Variants in ST8SIA1 observed in about 807,000 individuals in gnomAD.
The protein encoded by ST8SIA1 is alpha-N-acetylneuraminide alpha-2,8-sialyltransferase.
In ST8SIA1, 16 loss-of-function variants were observed where a neutral mutation model predicts 35.9. The ratio of observed to expected loss-of-function variants is 0.45; its 90% CI spans 0.30 to 0.68. The LOEUF is 0.68. ST8SIA1 is among the 30% of genes least tolerant of loss of function. The pLI, the probability that ST8SIA1 is intolerant of heterozygous loss-of-function variation, is 0.09. For synonymous variants in ST8SIA1, 170 were observed against 169.6 expected, an observed-to-expected ratio of 1.00 and a Z score of -0.02; for missense variants, 383 against 453.6, an observed-to-expected ratio of 0.84 and a Z score of 1.41.
At chr12:22,281,307 C>T (rs1331046482) in intron 2 of ST8SIA1, among the ~76,000 whole-genome samples, 1 of 152,116 alleles carries the variant, frequency 6.6e-6, no homozygotes, top group African/African-American at 2.4e-5. Flanking sequence ...TTATAAAATT[C>T]ATGCTGAGAA....
intron 2 of ST8SIA1, among the ~76,000 whole-genome samples, chr12:22,282,273 G>A (rs1866046016): frequency 6.6e-6 from 1 of 152,112 alleles, no homozygotes; most frequent in African/African-American, 2.4e-5. Flanking sequence ...ACCCCTCTCA[G>A]TCTTAGCTTC....
chr12:22,253,013 A>C (rs1235895307), intron 3 of ST8SIA1, among the ~76,000 whole-genome samples: 2 of 152,154 alleles, frequency 1.3e-5, no homozygotes, highest in Non-Finnish European at 1.5e-5. Context: ...AACTAATAAT[A>C]CTCAAGAGCA....
At chr12:22,227,494 A>T (rs1865372619) in intron 4 of ST8SIA1, among the ~76,000 whole-genome samples, 2 of 151,832 alleles carry the variant, frequency 1.3e-5, no homozygotes, top group South Asian at 4.2e-4. Flanking sequence ...GAATTGCTGA[A>T]CCCGGAGATG....
At chr12:22,238,728 G>A (rs1029441667) in intron 4 of ST8SIA1, among the ~76,000 whole-genome samples, 10 of 152,062 alleles carry the variant, frequency 6.6e-5, no homozygotes, top group Non-Finnish European at 1.0e-4. Flanking sequence ...GTTGTCTTTC[G>A]TTTTGATCAC....
chr12:22,251,017 G>C (rs1865663186), intron 3 of ST8SIA1, among the ~76,000 whole-genome samples: 1 of 152,210 alleles, frequency 6.6e-6, no homozygotes, highest in Admixed American at 6.5e-5. Flanking sequence ...TCTCATGAGG[G>C]AGTGAGTTTA....
Position 22,201,633 on chromosome 12 carries a change from T to C in ST8SIA1, c.990A>G (p.Gln330=), listed in dbSNP as rs369572442. 1.2e-6 allele frequency: 2 copies of C among 1,613,948 alleles called. No homozygotes were observed. The highest frequency in any genetic ancestry group is 1.7e-6 in the Non-Finnish European group (2 of 1,179,984). Residue 330 remains glutamine, a synonymous_variant, in exon 5 of 5, where the codon CAA becomes CAG. Coordinates refer to ENST00000396037, the MANE Select transcript of ST8SIA1 (RefSeq NM_003034.4). ...CACCGATTTTATGAAGATACCAGAG[T>C]TGGAGAAATTCCTCGGGCATGGCAT... The part of the protein sequence containing the change: ...GFHAMPEEFL[Q]LWYLHKIGAL...
intron 3 of ST8SIA1, among the ~76,000 whole-genome samples, chr12:22,251,404 C>G (rs749179774): frequency 6.6e-6 from 1 of 152,214 alleles, no homozygotes; most frequent in Non-Finnish European, 1.5e-5. Context: ...TCTTCTAGAA[C>G]AGAGGTGAAT....
intron 1 of ST8SIA1, among the ~76,000 whole-genome samples, chr12:22,331,805 C>A (rs1055231339): frequency 6.6e-6 from 1 of 152,258 alleles, no homozygotes; most frequent in South Asian, 2.1e-4. Context: ...ATAATGTTTA[C>A]CTGTAAATCT....
intron 3 of ST8SIA1, among the ~76,000 whole-genome samples, chr12:22,254,330 C>G (rs567798024): frequency 3.3e-5 from 5 of 152,108 alleles, no homozygotes; most frequent in African/African-American, 1.2e-4. Context: ...TCTTATTCCA[C>G]GTCTCCTTCA....
Position 22,334,068 on chromosome 12 carries a change from T to G in ST8SIA1, c.165A>C (p.Lys55Asn). The G allele has an allele frequency of 1.2e-6, 2 of 1,613,882 alleles. No individual in the cohort carries two copies. Among genetic ancestry groups the G allele is most frequent in the Non-Finnish European group, 1.7e-6 (2 of 1,179,954 alleles). ...IFPVYRLPNE[K>N]EIVQGVLQQG... ...GTTGCAGCACCCCCTGCACGATCTC[T>G]TTCTCGTTGGGCAGCCGGTAGACGG... Residue 55 changes from lysine (K) to asparagine (N), a missense_variant, in exon 1 of 5, where the codon AAA becomes AAC. Coordinates refer to ENST00000396037, the MANE Select transcript of ST8SIA1 (RefSeq NM_003034.4).
At chr12:22,301,149 A>G (rs1036728597) in intron 1 of ST8SIA1, among the ~76,000 whole-genome samples, 8 of 152,158 alleles carry the variant, frequency 5.3e-5, no homozygotes, top group Middle Eastern at 3.4e-3. Flanking sequence ...TCCATGGACA[A>G]TTATTGTCTT....
rs61596419 is a variant in ST8SIA1 at position 22,303,846 on chromosome 12, CCACACACACACA to C, written c.237-16565_237-16554del. Among the ~76,000 whole-genome samples the C allele has an allele frequency of 4.9e-3, 686 of 140,776 alleles. 2 individuals carry two copies. The highest frequency in any genetic ancestry group is 0.017 in the African/African-American group (650 of 37,516). The allele number at this position is 140,776 out of a possible 152,430, so 92.4% of individuals were successfully genotyped here. On this transcript the variant is annotated intron_variant, in intron 1 of 4. Coordinates refer to ENST00000396037, the MANE Select transcript of ST8SIA1 (RefSeq NM_003034.4). Reference sequence around the variant, plus strand: ...CCCCGCCACCACCACCACCACCCTGCCACACACACACACACACACACACACACACACACACAC... The same window carrying C: ...CCCCGCCACCACCACCACCACCCTGCCACACACACACACACACACACACAC...
intron 1 of ST8SIA1, among the ~76,000 whole-genome samples, chr12:22,297,761 G>T (rs1307962569): frequency 6.6e-6 from 1 of 152,020 alleles, no homozygotes; most frequent in African/African-American, 2.4e-5. Context: ...ATATAAATTT[G>T]CTCTTTGACC....
intron 4 of ST8SIA1, among the ~76,000 whole-genome samples, chr12:22,226,530 A>T (rs1865360331): frequency 6.7e-6 from 1 of 150,050 alleles, no homozygotes; most frequent in South Asian, 2.1e-4. Flanking sequence ...ATTGGGTCTG[A>T]TGATTACTTT....
chr12:22,312,030 C>A (rs890254758), intron 1 of ST8SIA1, among the ~76,000 whole-genome samples: 4 of 152,126 alleles, frequency 2.6e-5, no homozygotes, highest in African/African-American at 9.7e-5. Flanking sequence ...CCCAACCTAC[C>A]AGGCTTTGTG....
intron 2 of ST8SIA1, among the ~76,000 whole-genome samples, chr12:22,285,147 C>T (rs1253905088): frequency 2.0e-5 from 3 of 152,194 alleles, no homozygotes; most frequent in Non-Finnish European, 4.4e-5. Context: ...TGGACTTCTT[C>T]GCAACTAGTG....
At position 22,249,025 on chromosome 12, in the gene ST8SIA1, G is replaced by A; in HGVS notation, c.565C>T (p.Pro189Ser). ...TCTTACCTTTGCCGAATTATGCTGG[G>A]ATTAGCTGTCACTAACTGACTTTTG... is the stretch of plus-strand genomic sequence containing the variant. ...GSKSQLVTAN[P>S]SIIRQRFQNL... is the part of the protein sequence containing the mutation. Residue 189 changes from proline (P) to serine (S), a missense_variant, in exon 4 of 5, where the codon CCC (proline) becomes TCC (serine). Coordinates refer to ENST00000396037, the MANE Select transcript of ST8SIA1 (RefSeq NM_003034.4). 1 of 1,613,588 alleles carries A rather than the reference G, an allele frequency of 6.2e-7. No homozygotes were observed. The highest frequency in any genetic ancestry group is 1.3e-5 in the African/African-American group (1 of 75,026).
chr12:22,285,630 G>T (rs1866087868), intron 2 of ST8SIA1, among the ~76,000 whole-genome samples: 1 of 152,092 alleles, frequency 6.6e-6, no homozygotes, highest in South Asian at 2.1e-4. Context: ...CCAGCACTTT[G>T]GGAGGCCGAG....
intron 3 of ST8SIA1, among the ~76,000 whole-genome samples, chr12:22,254,963 A>G (rs1865713287): frequency 6.6e-6 from 1 of 152,214 alleles, no homozygotes; most frequent in South Asian, 2.1e-4. Context: ...GAACAATTTA[A>G]AAAGCCAAAA....
Sources: allele counts gnomAD v4.1 joint callset (sites outside exome capture counted in the v4.1 genomes callset), GRCh38; gene constraint gnomAD v4.1.1; transcripts MANE v1.5; gene names NCBI Gene and HGNC (gene_info 2026-07-23, HGNC 2026-07-21).